Variants in COL13A1 observed in about 807,000 individuals in gnomAD.
The protein encoded by COL13A1 is collagen alpha-1(XIII) chain.
Under a neutral mutation model 130.9 loss-of-function variants are expected in COL13A1, and 89 were observed. The ratio of observed to expected loss-of-function variants is 0.68; its 90% CI spans 0.57 to 0.81. The LOEUF (loss-of-function observed/expected upper bound fraction) is 0.81. Ranked by LOEUF, COL13A1 falls within the 30% of genes least tolerant of loss-of-function variation. The pLI is 0.00. For missense variants in COL13A1, 879 were observed against 934.6 expected, an observed-to-expected ratio of 0.94 and a Z score of 0.78; for synonymous variants, 402 against 341.6, an observed-to-expected ratio of 1.18 and a Z score of -1.95.
intron 35 of COL13A1, 61 bp downstream of exon 35, chr10:69,941,084 C>T (rs1159876423): frequency 6.2e-7 from 1 of 1,612,120 alleles, no homozygotes; most frequent in African/African-American, 1.3e-5. Context: ...CCTGTGATCC[C>T]TTTTGTCTGT....
At chr10:69,939,022 T>C (rs1227289193) in intron 34 of COL13A1, among the ~76,000 whole-genome samples, 2 of 152,176 alleles carry the variant, frequency 1.3e-5, no homozygotes, top group African/African-American at 4.8e-5. Context: ...GTAATATTAA[T>C]ATAAACAAGG....
intron 2 of COL13A1, among the ~76,000 whole-genome samples, chr10:69,844,452 G>A (rs72805136): frequency 0.014 from 2,126 of 152,272 alleles, 26 homozygotes; most frequent in Middle Eastern, 0.031. Context: ...GAGATGAGAC[G>A]AGAACATGCT....
At chr10:69,860,537 C>T (rs983587430) in intron 2 of COL13A1, among the ~76,000 whole-genome samples, 2 of 152,234 alleles carry the variant, frequency 1.3e-5, no homozygotes, top group African/African-American at 4.8e-5. Context: ...GCTGTCGAGA[C>T]ACCATTTCCC....
At chr10:69,934,054 T>C (rs926172301) in intron 31 of COL13A1, among the ~76,000 whole-genome samples, 2 of 152,214 alleles carry the variant, frequency 1.3e-5, no homozygotes, top group African/African-American at 4.8e-5. Context: ...TATACAATTC[T>C]ACACATATTA....
At chr10:69,930,609 A>G (rs78504941) in intron 30 of COL13A1, 57 bp downstream of exon 30, 36,700 of 1,565,276 alleles carry the variant, frequency 0.023, 665 homozygotes, top group South Asian at 0.084. Flanking sequence ...GCATGACGCC[A>G]GCTTTGCAGG....
At chr10:69,912,302 G>A (rs373745806) in intron 17 of COL13A1, among the ~76,000 whole-genome samples, 2 of 152,280 alleles carry the variant, frequency 1.3e-5, no homozygotes, top group African/African-American at 2.4e-5. Flanking sequence ...ACCCGACCCC[G>A]GTAATTCCCC....
intron 7 of COL13A1, among the ~76,000 whole-genome samples, chr10:69,881,597 A>T (rs1357284629): frequency 6.6e-6 from 1 of 152,170 alleles, no homozygotes. Flanking sequence ...GAAGGAGAGC[A>T]GGGGCAGGAG....
chr10:69,815,012 G>A (rs963799326), intron 1 of COL13A1, among the ~76,000 whole-genome samples: 2 of 152,192 alleles, frequency 1.3e-5, no homozygotes, highest in Admixed American at 1.3e-4. Context: ...ATGCTCCGTG[G>A]TTTCCCAGGC....
chr10:69,899,418 G>C (rs964905206), intron 14 of COL13A1, among the ~76,000 whole-genome samples: 1 of 152,198 alleles, frequency 6.6e-6, no homozygotes, highest in African/African-American at 2.4e-5. Flanking sequence ...TTTGCCCAAG[G>C]TTATACTAAC....
chr10:69,867,636 G>A (rs2058653660), intron 2 of COL13A1, among the ~76,000 whole-genome samples, 162 bp from the exon 3 acceptor site: 1 of 152,232 alleles, frequency 6.6e-6, no homozygotes, highest in South Asian at 2.1e-4. Flanking sequence ...AATAAAGGGG[G>A]AAGAGATTAT....
At chr10:69,924,830 G>C in intron 24 of COL13A1, 133 bp from the exon 25 acceptor site, 3 of 802,470 alleles carry the variant, frequency 3.7e-6, no homozygotes, top group South Asian at 2.9e-5. Flanking sequence ...TTTCCTGAAG[G>C]GGTGGAACCT....
At chr10:69,874,990 G>A (rs1268546046) in intron 4 of COL13A1, 138 bp from the exon 5 acceptor site, 19 of 925,582 alleles carry the variant, frequency 2.1e-5, no homozygotes, top group Non-Finnish European at 3.1e-5. Flanking sequence ...TGATGCTTGG[G>A]CATCATACGG....
intron 10 of COL13A1, among the ~76,000 whole-genome samples, chr10:69,893,361 A>G (rs2061365176): frequency 6.6e-6 from 1 of 152,262 alleles, no homozygotes; most frequent in South Asian, 2.1e-4. Context: ...CAATAAAACA[A>G]TAAAAGACCA....
chr10:69,911,019 G>A (rs2063318420), intron 17 of COL13A1, among the ~76,000 whole-genome samples: 1 of 152,198 alleles, frequency 6.6e-6, no homozygotes, highest in Admixed American at 6.5e-5. Context: ...AGAGCTGTTT[G>A]CAACTGCAGC....
At chr10:69,892,752 C>T (rs2061307781) in intron 10 of COL13A1, among the ~76,000 whole-genome samples, 2 of 152,236 alleles carry the variant, frequency 1.3e-5, no homozygotes, top group African/African-American at 2.4e-5. Flanking sequence ...TGGACCTCGA[C>T]ATAATTAAGA....
chr10:69,816,855 G>C (rs953914865), intron 1 of COL13A1, among the ~76,000 whole-genome samples: 4 of 152,186 alleles, frequency 2.6e-5, no homozygotes, highest in African/African-American at 9.7e-5. Context: ...AGCCAGGTAG[G>C]AGTGGTCCAG....
chr10:69,918,345 C>T (rs1013273213), intron 19 of COL13A1, 28 bp downstream of exon 19: 2 of 1,611,240 alleles, frequency 1.2e-6, no homozygotes, highest in African/African-American at 2.7e-5. Flanking sequence ...ACCAACACAT[C>T]AGGGACAGGG....
chr10:69,901,419 A>G (rs549697721), intron 14 of COL13A1, among the ~76,000 whole-genome samples: 9 of 152,294 alleles, frequency 5.9e-5, no homozygotes, highest in African/African-American at 2.2e-4. Context: ...ACTCCTATTT[A>G]TCACCACCAC....
At chr10:69,903,260 A>T (rs1011259388) in intron 15 of COL13A1, among the ~76,000 whole-genome samples, 1 of 152,214 alleles carries the variant, frequency 6.6e-6, no homozygotes, top group African/African-American at 2.4e-5. Flanking sequence ...CCCAGTGAAC[A>T]TGCCTTCCAG....
Sources: allele counts gnomAD v4.1 joint callset (sites outside exome capture counted in the v4.1 genomes callset), GRCh38; gene constraint gnomAD v4.1.1; transcripts MANE v1.5; gene names NCBI Gene and HGNC (gene_info 2026-07-23, HGNC 2026-07-21).